The following RBFOX1 variants were observed in gnomAD, a reference collection of about 807,000 sequenced individuals.
RBFOX1 encodes the protein RNA binding protein fox-1 homolog 1.
In RBFOX1, 8 loss-of-function variants were observed where a neutral mutation model predicts 57.7. That is an observed-to-expected ratio of 0.14 (90% CI 0.08 to 0.25). RBFOX1 has a LOEUF of 0.25. RBFOX1 is among the 10% of genes least tolerant of loss of function. The pLI is 1.00. For synonymous variants in RBFOX1, 326 were observed against 222.4 expected (o/e 1.47, Z -4.15); for missense variants, 611 against 548.5 (o/e 1.11, Z -1.14).
At chr16:5,681,100 G>A (rs2050318561) in intron 3 of RBFOX1, among the ~76,000 whole-genome samples, 1 of 152,032 alleles carries the variant, frequency 6.6e-6, no homozygotes, top group Non-Finnish European at 1.5e-5. Context: ...TTGAGATGGA[G>A]TCTCGCTCTG....
intron 2 of RBFOX1, among the ~76,000 whole-genome samples, chr16:5,572,945 G>C (rs2046332373): frequency 6.6e-6 from 1 of 152,138 alleles, no homozygotes; most frequent in African/African-American, 2.4e-5. Context: ...AGGGAGACTG[G>C]GGGGTGATTG....
At chr16:7,365,421 G>A (rs1302784864) in intron 4 of RBFOX1, among the ~76,000 whole-genome samples, 1 of 152,174 alleles carries the variant, frequency 6.6e-6, no homozygotes, top group Non-Finnish European at 1.5e-5. Flanking sequence ...AACCTTGTTA[G>A]TTATTAATGT....
At chr16:6,033,888 G>A (rs566048605) in intron 1 of RBFOX1, among the ~76,000 whole-genome samples, 5 of 152,166 alleles carry the variant, frequency 3.3e-5, no homozygotes, top group African/African-American at 7.2e-5. Context: ...CATGTTGGTG[G>A]ATGAATGGGG....
At chr16:7,209,204 G>A (rs2090620256) in intron 4 of RBFOX1, among the ~76,000 whole-genome samples, 1 of 151,240 alleles carries the variant, frequency 6.6e-6, no homozygotes, top group Non-Finnish European at 1.5e-5. Flanking sequence ...GTGTGGCAGT[G>A]CATGCATGTA....
At chr16:7,395,145 A>G (rs4372708) in intron 4 of RBFOX1, among the ~76,000 whole-genome samples, 9,359 of 151,050 alleles carry the variant, frequency 0.062, 349 homozygotes, top group South Asian at 0.13. Flanking sequence ...TGACTACAGC[A>G]TATTTCCAAG....
intron 3 of RBFOX1, among the ~76,000 whole-genome samples, chr16:6,731,240 A>G (rs2068505350): frequency 6.6e-6 from 1 of 152,172 alleles, no homozygotes. Flanking sequence ...CTGAAGGCTA[A>G]TGGGAAATGG....
intron 2 of RBFOX1, among the ~76,000 whole-genome samples, chr16:6,518,714 C>T (rs11866624): frequency 5.9e-5 from 9 of 151,852 alleles, no homozygotes; most frequent in East Asian, 1.9e-4. Context: ...TCCATCCGTC[C>T]GTCCGTCCAT....
At position 7,242,581 on chromosome 16, in the gene RBFOX1, C is replaced by G. The variant is rs574505201; in HGVS notation, c.27+190483C>G. ...ACTTGGACATGGGGAGGTCTCTTCG[C>G]CATTGGCTGAGAGTAAGCTGAACAA... On this transcript the variant is annotated intron_variant, in intron 4 of 15. Transcript: ENST00000550418. Among the ~76,000 whole-genome samples, 3 of 152,318 alleles carry G rather than the reference C, an allele frequency of 2.0e-5. No homozygotes were observed. In the South Asian group the frequency reaches 6.2e-4, roughly 32 times the overall value.
chr16:7,129,104 C>G (rs918457301), intron 4 of RBFOX1, among the ~76,000 whole-genome samples: 2 of 152,074 alleles, frequency 1.3e-5, no homozygotes, highest in Admixed American at 6.6e-5. Context: ...CAGGTGTGAG[C>G]CACGGCACGC....
At chr16:6,044,150 A>C (rs78387146) in intron 1 of RBFOX1, among the ~76,000 whole-genome samples, 1,713 of 152,276 alleles carry the variant, frequency 0.011, 28 homozygotes, top group African/African-American at 0.038. Flanking sequence ...GTCATATTTG[A>C]AGTTAAAACA....
chr16:5,373,600 T>A (rs908521366), intron 1 of RBFOX1, among the ~76,000 whole-genome samples: 11 of 150,438 alleles, frequency 7.3e-5, no homozygotes, highest in Non-Finnish European at 1.5e-4. Flanking sequence ...CAGTTAAACG[T>A]CTTTTCTTTT....
chr16:5,704,537 C>T (rs1596847712), intron 3 of RBFOX1, among the ~76,000 whole-genome samples: 1 of 152,178 alleles, frequency 6.6e-6, no homozygotes, highest in African/African-American at 2.4e-5. Flanking sequence ...TGTAATTATT[C>T]AGCAGTCACA....
intron 2 of RBFOX1, among the ~76,000 whole-genome samples, chr16:6,621,734 C>T (rs985373181): frequency 2.0e-5 from 3 of 152,124 alleles, no homozygotes; most frequent in African/African-American, 4.8e-5. Flanking sequence ...GATCACCTGG[C>T]CTGACTCACA....
chr16:5,463,497 T>A (rs1172821913), intron 1 of RBFOX1, among the ~76,000 whole-genome samples: 1 of 152,042 alleles, frequency 6.6e-6, no homozygotes, highest in Non-Finnish European at 1.5e-5. Flanking sequence ...TGCATAAAAG[T>A]GTTTTAAACC....
chr16:7,625,320 C>G (rs1043213831), intron 10 of RBFOX1, among the ~76,000 whole-genome samples: 1 of 152,148 alleles, frequency 6.6e-6, no homozygotes, highest in Non-Finnish European at 1.5e-5. Context: ...CTTGCCCACC[C>G]AGCCCTTCGA....
At chr16:7,019,789 C>G (rs1446252245) in intron 3 of RBFOX1, among the ~76,000 whole-genome samples, 3 of 152,142 alleles carry the variant, frequency 2.0e-5, no homozygotes, top group Non-Finnish European at 4.4e-5. Context: ...CAAGGAAATA[C>G]CCACGCCCCA....
At chr16:5,257,255 G>C (rs1237040346) in intron 1 of RBFOX1, among the ~76,000 whole-genome samples, 1 of 152,220 alleles carries the variant, frequency 6.6e-6, no homozygotes, top group South Asian at 2.1e-4. Context: ...GTGATGAGTG[G>C]AATCTGTCAT....
intron 2 of RBFOX1, among the ~76,000 whole-genome samples, chr16:6,332,331 G>T (rs971123050): frequency 1.3e-5 from 2 of 152,128 alleles, no homozygotes; most frequent in African/African-American, 4.8e-5. Flanking sequence ...TAGCTACACT[G>T]GTGGGAAAAA....
At chr16:6,808,995 A>T (rs965743952) in intron 3 of RBFOX1, among the ~76,000 whole-genome samples, 1 of 152,192 alleles carries the variant, frequency 6.6e-6, no homozygotes, top group African/African-American at 2.4e-5. Flanking sequence ...AGCTTAATAG[A>T]CAAGACTGAA....
Sources: gnomAD v4.1 joint callset for allele counts (sites outside exome capture counted in the v4.1 genomes callset) on GRCh38, gnomAD v4.1.1 for gene constraint, MANE v1.5 for transcripts, NCBI Gene and HGNC (gene_info 2026-07-23, HGNC 2026-07-21) for gene names.